Variants in CCSER1 observed in about 807,000 individuals in gnomAD.
CCSER1 encodes serine-rich coiled-coil domain-containing protein 1.
A neutral mutation model predicts 82.0 loss-of-function variants in CCSER1; 41 were observed. The ratio of observed to expected loss-of-function variants is 0.50; its 90% CI spans 0.39 to 0.65. The LOEUF is 0.65. Among genes scored for constraint, CCSER1 ranks in the 30% least tolerant of loss-of-function variants. CCSER1 has a pLI of 0.00. For synonymous variants in CCSER1, 414 were observed against 383.9 expected, an observed-to-expected ratio of 1.08 and a Z score of -0.92; for missense variants, 1,119 against 1,064.2, an observed-to-expected ratio of 1.05 and a Z score of -0.72.
At chr4:90,781,645 A>C (rs1054498351) in intron 7 of CCSER1, 74 of 973,428 alleles carry the variant, frequency 7.6e-5, no homozygotes, top group Non-Finnish European at 9.0e-5. Context: ...TTCTCTTGAA[A>C]GTAGCTTTAC....
At chr4:90,143,975 C>G (rs151130373) in intron 1 of CCSER1, among the ~76,000 whole-genome samples, 83 of 152,344 alleles carry the variant, frequency 5.4e-4, no homozygotes, top group Non-Finnish European at 8.7e-4. Flanking sequence ...CAGGCATGAG[C>G]CACCAATCCT....
intron 10 of CCSER1, among the ~76,000 whole-genome samples, chr4:91,547,643 A>G (rs1761957262): frequency 6.6e-6 from 1 of 152,200 alleles, no homozygotes; most frequent in Admixed American, 6.5e-5. Flanking sequence ...AATCTGTCTT[A>G]TAATTGTTAT....
chr4:90,557,550 A>G (rs1778284315), intron 5 of CCSER1, among the ~76,000 whole-genome samples: 1 of 152,088 alleles, frequency 6.6e-6, no homozygotes, highest in South Asian at 2.1e-4. Flanking sequence ...TTAAATAAAT[A>G]TCTATTTTAG....
chr4:90,330,218 G>A (rs1328879091), intron 3 of CCSER1, among the ~76,000 whole-genome samples: 2 of 152,072 alleles, frequency 1.3e-5, no homozygotes, highest in Non-Finnish European at 2.9e-5. Context: ...CCACCAGTAG[G>A]TTATTCAGCT....
intron 10 of CCSER1, among the ~76,000 whole-genome samples, chr4:91,139,225 T>G (rs976044312): frequency 1.3e-5 from 2 of 152,184 alleles, no homozygotes; most frequent in Non-Finnish European, 2.9e-5. Flanking sequence ...TTCATTCTTT[T>G]TTATGGCTGC....
intron 10 of CCSER1, among the ~76,000 whole-genome samples, chr4:91,397,642 T>C (rs1752072481): frequency 6.6e-6 from 1 of 152,050 alleles, no homozygotes; most frequent in Admixed American, 6.6e-5. Context: ...AAAACATTGT[T>C]TGTATGAGAT....
At chr4:90,164,155 C>T (rs955442998) in intron 1 of CCSER1, among the ~76,000 whole-genome samples, 1 of 151,906 alleles carries the variant, frequency 6.6e-6, no homozygotes. Context: ...AATTCCGTGG[C>T]TTATGAGAAC....
At chr4:90,605,205 A>G (rs1006275320) in intron 5 of CCSER1, among the ~76,000 whole-genome samples, 22 of 152,170 alleles carry the variant, frequency 1.4e-4, no homozygotes, top group African/African-American at 5.1e-4. Flanking sequence ...CAAACTCCGG[A>G]CATAGCATCT....
chr4:91,217,843 A>C (rs1029988214), intron 10 of CCSER1, among the ~76,000 whole-genome samples: 3 of 152,214 alleles, frequency 2.0e-5, no homozygotes, highest in Non-Finnish European at 4.4e-5. Context: ...GTGTATTTAC[A>C]ATCCCTGAAC....
chr4:91,490,604 T>C (rs1758464592), intron 10 of CCSER1, among the ~76,000 whole-genome samples: 1 of 151,434 alleles, frequency 6.6e-6, no homozygotes, highest in South Asian at 2.1e-4. Context: ...GGAAAAGGTA[T>C]TGGGGTGGGA....
At chr4:91,124,117 A>G (rs1351219995) in intron 10 of CCSER1, among the ~76,000 whole-genome samples, 2 of 151,792 alleles carry the variant, frequency 1.3e-5, no homozygotes, top group East Asian at 1.9e-4. Flanking sequence ...AACTTGTATT[A>G]AAATAAAATT....
Position 91,598,841 on chromosome 4 carries a change from T to C in CCSER1, c.2487T>C (p.Ser829=). ...TACGGGCCACCGTTGGGCAGAGCTC[T>C]CTGAAGCCAACAGCTAAGACAGAAG... ...QNLRATVGQS[S]LKPTAKTEGL... The change falls in exon 11 of 11, where the codon TCT becomes TCC. Residue 829 remains serine (S), a synonymous_variant. Coordinates refer to ENST00000509176, the MANE Select transcript of CCSER1 (RefSeq NM_001145065.2). 1.9e-6 allele frequency: 3 copies of C among 1,551,630 alleles called. No individual in the cohort carries two copies. Among genetic ancestry groups the C allele is most frequent in the Non-Finnish European group, 2.6e-6 (3 of 1,146,918 alleles).
intron 10 of CCSER1, among the ~76,000 whole-genome samples, chr4:91,158,250 C>T (rs528461884): frequency 2.6e-5 from 4 of 152,050 alleles, no homozygotes; most frequent in African/African-American, 4.8e-5. Flanking sequence ...ACCAATAGCA[C>T]TATTTTATGC....
intron 4 of CCSER1, among the ~76,000 whole-genome samples, chr4:90,403,349 A>T (rs1454735668): frequency 1.3e-5 from 2 of 150,928 alleles, no homozygotes. Flanking sequence ...AATACAAAAA[A>T]TTAGCCGGGC....
chr4:90,876,657 C>G (rs1767240273), intron 8 of CCSER1, among the ~76,000 whole-genome samples: 1 of 152,008 alleles, frequency 6.6e-6, no homozygotes, highest in African/African-American at 2.4e-5. Flanking sequence ...ATTTGGAGCC[C>G]CATTCAATCC....
chr4:91,419,582 A>G (rs75802605), intron 10 of CCSER1, among the ~76,000 whole-genome samples: 3,573 of 151,836 alleles, frequency 0.024, 128 homozygotes, highest in African/African-American at 0.08. Flanking sequence ...AAGGTATCTC[A>G]TGCTCATGGA....
intron 9 of CCSER1, among the ~76,000 whole-genome samples, chr4:90,935,909 A>G (rs1730875556): frequency 6.6e-6 from 1 of 152,068 alleles, no homozygotes; most frequent in Non-Finnish European, 1.5e-5. Flanking sequence ...TGGTATAGTG[A>G]TGATCTCTGG....
At chr4:91,447,506 A>G (rs1755636546) in intron 10 of CCSER1, among the ~76,000 whole-genome samples, 1 of 152,092 alleles carries the variant, frequency 6.6e-6, no homozygotes, top group African/African-American at 2.4e-5. Context: ...TACCTATCAC[A>G]CTACTATTAT....
chr4:91,347,674 A>G (rs534400576), intron 10 of CCSER1, among the ~76,000 whole-genome samples: 75 of 152,058 alleles, frequency 4.9e-4, no homozygotes, highest in African/African-American at 1.8e-3. Context: ...TTTCTCATAC[A>G]GATTTTATAC....
Sources: gnomAD v4.1 joint callset for allele counts (sites outside exome capture counted in the v4.1 genomes callset) on GRCh38, gnomAD v4.1.1 for gene constraint, MANE v1.5 for transcripts, NCBI Gene and HGNC (gene_info 2026-07-23, HGNC 2026-07-21) for gene names.